MAP3K3: variants seen among roughly 807,000 people sequenced by gnomAD.
The protein encoded by MAP3K3 is MAP/ERK kinase kinase 3.
Under a neutral mutation model 80.9 loss-of-function variants are expected in MAP3K3, and 12 were observed. That is an observed-to-expected ratio of 0.15 (90% CI 0.10 to 0.24). The LOEUF (loss-of-function observed/expected upper bound fraction) is 0.24, where lower values mean the gene tolerates loss of function less well. MAP3K3 is among the 10% of genes least tolerant of loss of function. The probability of loss-of-function intolerance (pLI) is 1.00; values close to 1 mark genes in which losing one functional copy is unlikely to be tolerated. For missense variants in MAP3K3, 596 were observed against 834.7 expected (o/e 0.71, Z 3.52); for synonymous variants, 272 against 307.1 (o/e 0.89, Z 1.19).
At chr17:63,668,252 G>C (rs1400577636) in intron 6 of MAP3K3, 1 of 152,228 alleles carries the variant, frequency 6.6e-6, no homozygotes, top group Non-Finnish European at 1.5e-5. Context: ...TATGCCTCCT[G>C]AGGGAGTTAC....
chr17:63,687,060 A>G (rs1170586307), intron 8 of MAP3K3, among the ~76,000 whole-genome samples: 2 of 152,192 alleles, frequency 1.3e-5, no homozygotes, highest in African/African-American at 4.8e-5. Context: ...CTTTGGGTTC[A>G]TAGACCTGGA....
intron 12 of MAP3K3, chr17:63,690,684 G>C (rs151213154): frequency 2.1e-6 from 1 of 470,372 alleles, no homozygotes; most frequent in Non-Finnish European, 3.8e-6. Context: ...CTGTGACACA[G>C]AGGGGACTCC....
intron 6 of MAP3K3, among the ~76,000 whole-genome samples, chr17:63,673,557 G>A (rs988454864): frequency 6.6e-6 from 1 of 152,142 alleles, no homozygotes; most frequent in Non-Finnish European, 1.5e-5. Context: ...TGAAGCTCAA[G>A]CACTATTTTT....
intron 5 of MAP3K3, among the ~76,000 whole-genome samples, chr17:63,663,073 C>G (rs1160666360): frequency 2.6e-5 from 4 of 152,132 alleles, no homozygotes; most frequent in Admixed American, 6.6e-5. Context: ...AAGTATAATA[C>G]TGTCCATGAG....
chr17:63,672,131 A>G (rs2035122682), intron 6 of MAP3K3, among the ~76,000 whole-genome samples: 1 of 151,820 alleles, frequency 6.6e-6, no homozygotes. Flanking sequence ...AAAAATACAA[A>G]AATTAGTTGG....
Position 63,622,672 on chromosome 17 carries a change from C to G in MAP3K3, c.-88C>G, listed in dbSNP as rs1247185200. 1 of 383,924 alleles carries G rather than the reference C, an allele frequency of 2.6e-6. No individual in the cohort carries two copies. Among genetic ancestry groups the G allele is most frequent in the Admixed American group, 3.1e-5 (1 of 32,112 alleles). 23.8% of individuals were successfully genotyped at this position (383,924 alleles called of 1,614,324 possible). A position where few individuals can be genotyped will look rare whatever the true frequency, so the allele number is the denominator to read the frequency against. ...CCCCGCGCGGAGCCAGGCCCGCTGC[C>G]GTCCCCGCCGCCCGGGCCCCCGGCA... On this transcript the variant is annotated 5_prime_UTR_variant, in exon 1 of 16. Transcript: ENST00000361733.
In MAP3K3 at chr17:63,685,559, A is replaced by G. The variant is rs1252675599; in HGVS notation, c.679A>G (p.Ser227Gly). 6.2e-7 allele frequency: 1 copy of G among 1,614,216 alleles called. No individual in the cohort carries two copies. Among genetic ancestry groups the G allele is most frequent in the Non-Finnish European group, 8.5e-7 (1 of 1,180,028 alleles). Reference protein sequence around the residue: ...LSSAENSLSGSCQSLDRSADS... With the variant: ...LSSAENSLSGGCQSLDRSADS... Reference sequence around the variant, plus strand: ...CAGTGCAGAAAATTCCTTGTCTGGAAGCTGCCAATCCTTGGACAGGTCAGC... The same window carrying G: ...CAGTGCAGAAAATTCCTTGTCTGGAGGCTGCCAATCCTTGGACAGGTCAGC... The change falls in exon 8 of 16, where the codon AGC becomes GGC. Residue 227 changes from serine to glycine, a missense_variant. Ser to Gly is a moderately conservative substitution (Grantham distance 56). Around this residue, in one of 2 missense-constraint regions of MAP3K3, gnomAD observed 364 missense variants for 588.9 expected, o/e 0.62. Transcript: ENST00000361733.
intron 2 of MAP3K3, among the ~76,000 whole-genome samples, chr17:63,645,596 C>T (rs2034526039): frequency 6.6e-6 from 1 of 152,214 alleles, no homozygotes. Context: ...AACTAAGACT[C>T]ACAGAGGATA....
intron 5 of MAP3K3, among the ~76,000 whole-genome samples, chr17:63,666,392 C>T (rs866030065): frequency 3.3e-5 from 5 of 152,052 alleles, no homozygotes; most frequent in African/African-American, 1.2e-4. Context: ...TCAGCTAACC[C>T]GGAGGCTGAG....
intron 1 of MAP3K3, among the ~76,000 whole-genome samples, chr17:63,631,261 C>A (rs1182150013): frequency 6.6e-6 from 1 of 152,176 alleles, no homozygotes; most frequent in East Asian, 1.9e-4. Flanking sequence ...GCACTCTAGC[C>A]TGGGCAACAG....
chr17:63,634,100 A>G (rs886548484), intron 2 of MAP3K3, among the ~76,000 whole-genome samples: 2 of 152,250 alleles, frequency 1.3e-5, no homozygotes, highest in African/African-American at 4.8e-5. Flanking sequence ...AGGTATAAAC[A>G]GATAAGGGCC....
chr17:63,624,952 G>T (rs1405542001), intron 1 of MAP3K3, among the ~76,000 whole-genome samples: 1 of 152,170 alleles, frequency 6.6e-6, no homozygotes, highest in Non-Finnish European at 1.5e-5. Flanking sequence ...TTCCATTTTG[G>T]TGATGAAAAT....
intron 3 of MAP3K3, among the ~76,000 whole-genome samples, chr17:63,652,213 T>G (rs533994999): frequency 3.9e-4 from 60 of 152,244 alleles, no homozygotes; most frequent in African/African-American, 1.4e-3. Context: ...CCAGTGTGTA[T>G]TGTTCCCCCT....
intron 6 of MAP3K3, among the ~76,000 whole-genome samples, chr17:63,680,763 T>C (rs1438999254): frequency 2.0e-5 from 3 of 152,074 alleles, no homozygotes; most frequent in African/African-American, 7.2e-5. Context: ...TTATAGTCTC[T>C]TATCTGTAAA....
intron 6 of MAP3K3, among the ~76,000 whole-genome samples, chr17:63,675,382 A>T (rs549557470): frequency 1.1e-4 from 16 of 152,358 alleles, no homozygotes; most frequent in African/African-American, 3.8e-4. Context: ...CTGCACATTA[A>T]CACTGACCCA....
chr17:63,648,100 T>C (rs140185088), intron 3 of MAP3K3, among the ~76,000 whole-genome samples: 19 of 152,330 alleles, frequency 1.2e-4, no homozygotes, highest in South Asian at 1.2e-3. Flanking sequence ...GGTGGTTGCA[T>C]GGGTGTTAGA....
At chr17:63,683,819 C>G (rs980109898) in intron 7 of MAP3K3, among the ~76,000 whole-genome samples, 10 of 152,186 alleles carry the variant, frequency 6.6e-5, no homozygotes, top group Admixed American at 5.2e-4. Flanking sequence ...TTAGAATGAG[C>G]AAAGCATGAT....
At chr17:63,690,122 G>A in intron 11 of MAP3K3, 142 bp from the exon 12 acceptor site, 1 of 954,998 alleles carries the variant, frequency 1.0e-6, no homozygotes, top group South Asian at 1.6e-5. Flanking sequence ...GCTTGCTCCA[G>A]ATTGTGGTGG....
In MAP3K3 at chr17:63,662,745, T is replaced by C. The variant is rs533503956; in HGVS notation, c.382-4195T>C. Among the ~76,000 whole-genome samples, 92 of 141,138 alleles carry C rather than the reference T, an allele frequency of 6.5e-4. No individual in the cohort carries two copies. In the East Asian group the frequency reaches 0.017, roughly 25 times the overall value. 92.6% of individuals were successfully genotyped at this position (141,138 alleles called of 152,430 possible). A position where few individuals can be genotyped will look rare whatever the true frequency, so the allele number is the denominator to read the frequency against. ...CAATCTCAGCTCACCGCAGCCTCCATCTCCCGGGTTCAAGCGATTCTCCTG... is the reference window on the plus strand; with the variant it reads ...CAATCTCAGCTCACCGCAGCCTCCACCTCCCGGGTTCAAGCGATTCTCCTG... On this transcript the variant is annotated intron_variant, in intron 5 of 15. Transcript: ENST00000361733.
Sources: allele counts gnomAD v4.1 joint callset (sites outside exome capture counted in the v4.1 genomes callset), GRCh38; gene constraint gnomAD v4.1.1; regional missense constraint gnomAD v4.1.1; transcripts MANE v1.5; gene names NCBI Gene and HGNC (gene_info 2026-07-23, HGNC 2026-07-21).